Variants in ZNF573 observed in about 807,000 individuals in gnomAD.
The protein encoded by ZNF573 is zinc finger protein 573.
A neutral mutation model predicts 57.4 loss-of-function variants in ZNF573; 41 were observed. The observed-to-expected ratio is 0.71, with a 90% CI of 0.56 to 0.93. The LOEUF is 0.93. ZNF573 is among the 40% of genes least tolerant of loss of function. The pLI, the probability that ZNF573 is intolerant of heterozygous loss-of-function variation, is 0.00. For missense variants in ZNF573, 730 were observed against 794.8 expected (o/e 0.92, Z 0.98); for synonymous variants, 249 against 261.0 (o/e 0.95, Z 0.44).
At chr19:37,777,120 G>A (rs1244426858) in intron 1 of ZNF573, among the ~76,000 whole-genome samples, 4 of 152,080 alleles carry the variant, frequency 2.6e-5, no homozygotes, top group Non-Finnish European at 5.9e-5. Flanking sequence ...ATTTGATCCA[G>A]CAATCCCACT....
intron 2 of ZNF573, chr19:37,773,064 G>T: frequency 1.4e-6 from 1 of 739,748 alleles, no homozygotes; most frequent in Non-Finnish European, 1.7e-6. Flanking sequence ...TCTTGTTCCA[G>T]AATGGATACT....
intron 4 of ZNF573, among the ~76,000 whole-genome samples, chr19:37,759,858 G>T (rs1320091397): frequency 6.6e-6 from 1 of 152,152 alleles, no homozygotes; most frequent in African/African-American, 2.4e-5. Flanking sequence ...ACTCGTCTTT[G>T]TTCATTTTCA....
intron 4 of ZNF573, among the ~76,000 whole-genome samples, chr19:37,768,690 G>A (rs1310673731): frequency 6.6e-6 from 1 of 151,946 alleles, no homozygotes; most frequent in Non-Finnish European, 1.5e-5. Flanking sequence ...TTTTGAGATG[G>A]AGTCTCTCTC....
At chr19:37,740,401 A>G (rs1197926808) in intron 4 of ZNF573, among the ~76,000 whole-genome samples, 1 of 152,214 alleles carries the variant, frequency 6.6e-6, no homozygotes, top group Non-Finnish European at 1.5e-5. Context: ...TTGAGGACAT[A>G]GGTAACATTT....
Position 37,738,618 on chromosome 19 carries a change from G to T in ZNF573, c.1872C>A (p.Asn624Lys), listed in dbSNP as rs1408746294. The T allele has an allele frequency of 3.1e-6, 5 of 1,611,784 alleles. No individual in the cohort carries two copies. The highest frequency in any genetic ancestry group is 1.3e-5 in the African/African-American group (1 of 74,838). Residue 624 changes from asparagine to lysine, a missense_variant, in exon 5 of 5, where the codon AAC becomes AAA. Physicochemically the swap from Asn to Lys is moderately conservative, Grantham distance 94 (BLOSUM62 0). Coordinates refer to ENST00000536220, the MANE Select transcript of ZNF573 (RefSeq NM_001172690.2). ...ECGKAFSRAS[N>K]LVQHERIHTG... ...TATGAATTCTCTCATGTTGAACAAG[G>T]TTTGAAGCACGACTGAAGGCCTTCC...
chr19:37,775,194 T>C (rs993752152), intron 1 of ZNF573, among the ~76,000 whole-genome samples: 1 of 151,908 alleles, frequency 6.6e-6, no homozygotes, highest in African/African-American at 2.4e-5. Flanking sequence ...TTTAAAAAAA[T>C]TTTTTTAGAG....
At chr19:37,754,188 C>G (rs2145298738) in intron 4 of ZNF573, among the ~76,000 whole-genome samples, 2 of 152,152 alleles carry the variant, frequency 1.3e-5, no homozygotes, top group Middle Eastern at 6.8e-3. Flanking sequence ...GTATAATATT[C>G]CATGGAAAAG....
intron 4 of ZNF573, among the ~76,000 whole-genome samples, chr19:37,745,288 G>A (rs1217198742): frequency 6.6e-6 from 1 of 151,970 alleles, no homozygotes; most frequent in Non-Finnish European, 1.5e-5. Flanking sequence ...TGTTGGCCAG[G>A]CTGGTCTCGA....
Position 37,770,075 on chromosome 19 carries a change from T to A in ZNF573, c.225A>T (p.Pro75=). ...CTCGCTCCAGTAAATCAACCACAAC[T>A]GGTTTAGAAATGGAATGTCCTCCTT... is the stretch of plus-strand genomic sequence containing the variant. The part of the protein sequence containing the change: ...VSLGGHSISK[P]VVVDLLERGK... Residue 75 remains proline (P), a synonymous_variant, in exon 4 of 5, where the codon CCA becomes CCT. Transcript: ENST00000536220. The A allele has an allele frequency of 6.4e-7, 1 of 1,551,320 alleles. No individual in the cohort carries two copies. The highest frequency in any genetic ancestry group is 2.4e-5 in the East Asian group (1 of 40,930).
intron 4 of ZNF573, among the ~76,000 whole-genome samples, chr19:37,760,014 CAT>C (rs1474650228): frequency 6.6e-6 from 1 of 152,212 alleles, no homozygotes; most frequent in Non-Finnish European, 1.5e-5. Context: ...ACATTGTTCA[CAT>C]ACATGATTTG....
chr19:37,773,806 C>G, intron 1 of ZNF573, 55 bp from the exon 2 acceptor site: 1 of 1,067,422 alleles, frequency 9.4e-7, no homozygotes, highest in South Asian at 1.4e-5. Context: ...TTAATAAAAT[C>G]TTTCTGCTCC....
At chr19:37,777,518 C>T (rs2045720529) in intron 1 of ZNF573, among the ~76,000 whole-genome samples, 1 of 152,000 alleles carries the variant, frequency 6.6e-6, no homozygotes, top group African/African-American at 2.4e-5. Context: ...AGTTGGAGAC[C>T]ATTATTCTAA....
intron 4 of ZNF573, among the ~76,000 whole-genome samples, chr19:37,754,770 C>T (rs1005629136): frequency 1.3e-5 from 2 of 150,856 alleles, no homozygotes; most frequent in African/African-American, 4.9e-5. Context: ...ATTAAGGGAA[C>T]AAATTACAAA....
At chr19:37,757,634 C>A (rs937902091) in intron 4 of ZNF573, among the ~76,000 whole-genome samples, 1 of 152,138 alleles carries the variant, frequency 6.6e-6, no homozygotes, top group Non-Finnish European at 1.5e-5. Context: ...GACAGTGTGG[C>A]GATTCCTCAG....
intron 2 of ZNF573, among the ~76,000 whole-genome samples, chr19:37,772,290 G>A (rs1179401661): frequency 1.3e-5 from 2 of 151,844 alleles, no homozygotes; most frequent in East Asian, 3.9e-4. Context: ...TGCAGGACCT[G>A]CCCAGCTAAT....
intron 4 of ZNF573, among the ~76,000 whole-genome samples, chr19:37,746,448 A>T (rs986004528): frequency 1.3e-5 from 2 of 152,226 alleles, no homozygotes; most frequent in African/African-American, 4.8e-5. Flanking sequence ...TACATTTTGT[A>T]GTAGTAGATG....
intron 4 of ZNF573, among the ~76,000 whole-genome samples, chr19:37,742,155 A>G (rs2045333499): frequency 6.6e-6 from 1 of 152,158 alleles, no homozygotes; most frequent in Non-Finnish European, 1.5e-5. Flanking sequence ...ACTATAAACC[A>G]CTGCTCAAGG....
At chr19:37,746,890 G>C (rs889703680) in intron 4 of ZNF573, among the ~76,000 whole-genome samples, 11 of 152,054 alleles carry the variant, frequency 7.2e-5, no homozygotes, top group Non-Finnish European at 4.4e-5. Context: ...AGCTGACCTT[G>C]GTTTTTAAAT....
At chr19:37,747,657 T>G (rs979658705) in intron 4 of ZNF573, among the ~76,000 whole-genome samples, 2 of 152,072 alleles carry the variant, frequency 1.3e-5, no homozygotes. Context: ...AGTGATGTCA[T>G]GTACCCCTGA....
Sources: allele counts gnomAD v4.1 joint callset (sites outside exome capture counted in the v4.1 genomes callset), GRCh38; gene constraint gnomAD v4.1.1; transcripts MANE v1.5; gene names NCBI Gene and HGNC (gene_info 2026-07-23, HGNC 2026-07-21).